The following HS6ST3 variants were observed in gnomAD, a reference collection of about 807,000 sequenced individuals.
HS6ST3 encodes heparan sulfate 6-O-sulfotransferase 3.
In HS6ST3, 12 loss-of-function variants were observed where a neutral mutation model predicts 36.7. That is an observed-to-expected ratio of 0.33 (90% CI 0.21 to 0.53). The LOEUF (loss-of-function observed/expected upper bound fraction) is 0.53. Ranked by LOEUF, HS6ST3 falls within the 20% of genes least tolerant of loss-of-function variation. The pLI is 0.95. For synonymous variants in HS6ST3, 240 were observed against 257.5 expected (o/e 0.93, Z 0.65); for missense variants, 584 against 640.9 (o/e 0.91, Z 0.96).
chr13:96,785,704 G>A (rs1012223169), intron 1 of HS6ST3, among the ~76,000 whole-genome samples: 2 of 152,112 alleles, frequency 1.3e-5, no homozygotes, highest in African/African-American at 4.8e-5. Flanking sequence ...AAACAGGAAA[G>A]CAACAAGAGA....
intron 1 of HS6ST3, among the ~76,000 whole-genome samples, chr13:96,542,113 TACTTAACAAATTA>T (rs1473391444): frequency 6.6e-6 from 1 of 152,204 alleles, no homozygotes; most frequent in East Asian, 1.9e-4. Flanking sequence ...CTGGGATAAA[TACTTAACAAATTA>T]TGTTTTAACA....
chr13:96,660,126 A>C (rs1356407398), intron 1 of HS6ST3, among the ~76,000 whole-genome samples: 1 of 152,116 alleles, frequency 6.6e-6, no homozygotes, highest in Non-Finnish European at 1.5e-5. Flanking sequence ...AAGACAATTA[A>C]ATTTTTAATG....
intron 1 of HS6ST3, among the ~76,000 whole-genome samples, chr13:96,262,906 T>G (rs2054673482): frequency 6.6e-6 from 1 of 152,218 alleles, no homozygotes; most frequent in Admixed American, 6.5e-5. Context: ...TTAACTTGTT[T>G]TATACCTCAG....
intron 1 of HS6ST3, chr13:96,574,092 C>A: frequency 1.8e-6 from 1 of 541,120 alleles, no homozygotes; most frequent in South Asian, 1.4e-5. Flanking sequence ...GGGACCTTCT[C>A]AGCCATGAAT....
intron 1 of HS6ST3, among the ~76,000 whole-genome samples, chr13:96,732,650 C>A (rs2138478087): frequency 6.6e-6 from 1 of 152,168 alleles, no homozygotes; most frequent in South Asian, 2.1e-4. Flanking sequence ...TGGTTTCATA[C>A]AACTTTTAGA....
At chr13:96,193,632 A>C (rs1566283253) in intron 1 of HS6ST3, among the ~76,000 whole-genome samples, 1 of 152,180 alleles carries the variant, frequency 6.6e-6, no homozygotes, top group Non-Finnish European at 1.5e-5. Flanking sequence ...ACTGGAGCAG[A>C]TGTTACAGAT....
At chr13:96,434,119 A>G (rs753573501) in intron 1 of HS6ST3, among the ~76,000 whole-genome samples, 3 of 152,152 alleles carry the variant, frequency 2.0e-5, no homozygotes, top group Non-Finnish European at 4.4e-5. Context: ...TGCCTACTCC[A>G]TATCTTGATG....
intron 1 of HS6ST3, among the ~76,000 whole-genome samples, chr13:96,554,324 T>C (rs2056231313): frequency 1.3e-5 from 2 of 152,230 alleles, no homozygotes; most frequent in Non-Finnish European, 2.9e-5. Context: ...AATTAAAATT[T>C]ATCTATCTCT....
At chr13:96,391,056 C>T (rs1455603084) in intron 1 of HS6ST3, among the ~76,000 whole-genome samples, 10 of 152,162 alleles carry the variant, frequency 6.6e-5, no homozygotes, top group Admixed American at 5.2e-4. Flanking sequence ...CCCAGCCACG[C>T]CGTACATCTC....
chr13:96,799,950 A>ATATATATATATGTG (rs1566456751), intron 1 of HS6ST3, among the ~76,000 whole-genome samples: 94 of 85,638 alleles, frequency 1.1e-3, no homozygotes, highest in African/African-American at 5.0e-3. Flanking sequence ...GTGTGTATAT[A>ATATATATATATGTG]TATATATATA....
intron 1 of HS6ST3, among the ~76,000 whole-genome samples, chr13:96,488,043 A>G (rs996366050): frequency 6.6e-6 from 1 of 152,142 alleles, no homozygotes; most frequent in African/African-American, 2.4e-5. Context: ...AAACTCACAC[A>G]ATCAGAATCT....
At chr13:96,402,272 G>T (rs2055455842) in intron 1 of HS6ST3, among the ~76,000 whole-genome samples, 1 of 152,280 alleles carries the variant, frequency 6.6e-6, no homozygotes, top group Admixed American at 6.5e-5. Context: ...TCTATAAAGT[G>T]GAGATAACAA....
intron 1 of HS6ST3, among the ~76,000 whole-genome samples, chr13:96,687,086 A>C (rs1406431841): frequency 5.1e-5 from 1 of 19,684 alleles, no homozygotes; most frequent in East Asian, 1.7e-3. Context: ...AAAAGCAAGA[A>C]GTGCTTTTTT....
intron 1 of HS6ST3, among the ~76,000 whole-genome samples, chr13:96,756,267 T>C (rs1294943135): frequency 6.6e-6 from 1 of 152,224 alleles, no homozygotes; most frequent in Non-Finnish European, 1.5e-5. Context: ...ACAAATCCTT[T>C]GTCAAATATA....
intron 1 of HS6ST3, among the ~76,000 whole-genome samples, chr13:96,147,721 G>A (rs886325399): frequency 2.0e-5 from 3 of 152,200 alleles, no homozygotes; most frequent in African/African-American, 7.2e-5. Context: ...TGCACCCTGA[G>A]CTGCAGGGAG....
At chr13:96,582,168 A>G (rs1365755880) in intron 1 of HS6ST3, among the ~76,000 whole-genome samples, 1 of 152,222 alleles carries the variant, frequency 6.6e-6, no homozygotes, top group African/African-American at 2.4e-5. Flanking sequence ...CAGGAGCCAA[A>G]TTAAAGATGT....
rs1407425099 is a variant in HS6ST3 at position 96,221,030 on chromosome 13, GATAGAA to G, written c.707+129466_707+129471del. Among the ~76,000 whole-genome samples the G allele has an allele frequency of 3.9e-5, 6 of 152,228 alleles. No individual in the cohort carries two copies. The South Asian group carries it at 1.0e-3, about 26-fold the overall frequency. ...ATTATACATTTGGGTCAAATGAATG[GATAGAA>G]ATAGCTAATAAAGAAGAAAATTTAC... On this transcript the variant is annotated intron_variant, in intron 1 of 1. Transcript: ENST00000376705.
At chr13:96,149,877 T>G (rs1306323076) in intron 1 of HS6ST3, among the ~76,000 whole-genome samples, 1 of 152,206 alleles carries the variant, frequency 6.6e-6, no homozygotes. Flanking sequence ...ATGACTCAAT[T>G]AATTCTATAG....
intron 1 of HS6ST3, among the ~76,000 whole-genome samples, chr13:96,805,033 A>G (rs975170076): frequency 2.0e-5 from 3 of 152,208 alleles, no homozygotes; most frequent in Non-Finnish European, 2.9e-5. Flanking sequence ...AAATTGGTCA[A>G]AAAAATAAAA....
Sources: allele counts gnomAD v4.1 joint callset (sites outside exome capture counted in the v4.1 genomes callset), GRCh38; gene constraint gnomAD v4.1.1; transcripts MANE v1.5; gene names NCBI Gene and HGNC (gene_info 2026-07-23, HGNC 2026-07-21).